GPR160: variants seen among roughly 807,000 people sequenced by gnomAD.
GPR160 encodes the protein probable G protein-coupled receptor 160.
A neutral mutation model predicts 2.6 loss-of-function variants in GPR160; 2 were observed. That is an observed-to-expected ratio of 0.77 (90% CI 0.32 to 2.44). The LOEUF is 2.44. GPR160 is among the 30% of genes most tolerant of loss of function. GPR160 has a pLI of 0.11. For missense variants in GPR160, 351 were observed against 383.6 expected, an observed-to-expected ratio of 0.91 and a Z score of 0.71; for synonymous variants, 130 against 132.2, an observed-to-expected ratio of 0.98 and a Z score of 0.12.
intron 2 of GPR160, among the ~76,000 whole-genome samples, chr3:170,045,408 CAAAAAAAAAAAAAAAAAAAAAAAAAAA>C (rs368019452): frequency 0.061 from 2,042 of 33,746 alleles, 104 homozygotes; most frequent in African/African-American, 0.19. Flanking sequence ...ACTAAAAATA[CAAAAAAAAAAAAAAAAAAAAAAAAAAA>C]AAAAAAAAAA....
rs143642454 is a variant in GPR160 at position 170,061,874 on chromosome 3, C to T, written c.-192-17900C>T. The stretch of plus-strand genomic sequence containing the variant: ...CTTATTTTTAAATTTCAAGGCCATG[C>T]GCAGTGGCTCCTGCCTGGAATCCCA... On this transcript the variant is annotated intron_variant, in intron 2 of 3. Transcript: ENST00000355897. 5.2e-3 allele frequency among the ~76,000 whole-genome samples: 795 copies of T among 152,142 alleles called. 10 individuals carry two copies. The highest frequency in any genetic ancestry group is 0.018 in the African/African-American group (734 of 41,490).
intron 3 of GPR160, among the ~76,000 whole-genome samples, chr3:170,082,784 G>A (rs1378509291): frequency 6.6e-6 from 1 of 150,436 alleles, no homozygotes; most frequent in Non-Finnish European, 1.5e-5. Context: ...TTTTGGTAGA[G>A]GCAGCTCCCT....
At chr3:170,053,201 C>T (rs779579764) in intron 2 of GPR160, among the ~76,000 whole-genome samples, 33 of 152,124 alleles carry the variant, frequency 2.2e-4, no homozygotes, top group Non-Finnish European at 4.6e-4. Context: ...TTGATCAGAA[C>T]TACATTGAAT....
intron 3 of GPR160, among the ~76,000 whole-genome samples, chr3:170,081,482 A>C (rs566120286): frequency 3.9e-5 from 6 of 152,294 alleles, no homozygotes; most frequent in Admixed American, 2.6e-4. Flanking sequence ...GTATAAGTAG[A>C]TTATTTGTAT....
chr3:170,066,695 CAA>C (rs927033767), intron 2 of GPR160, among the ~76,000 whole-genome samples: 3 of 152,104 alleles, frequency 2.0e-5, no homozygotes, highest in Non-Finnish European at 4.4e-5. Flanking sequence ...TTATTTTAAA[CAA>C]TGCCTCCATG....
In GPR160 at chr3:170,084,316, C is replaced by A; in HGVS notation, c.344C>A (p.Thr115Lys). The change falls in exon 4 of 4, where the codon ACA becomes AAA. Residue 115 changes from threonine to lysine, a missense_variant. Coordinates refer to ENST00000355897, the MANE Select transcript of GPR160 (RefSeq NM_014373.3). ...TTTTTGCATTATCCAGTTTTCCTGA[C>A]AGCTTGTATAGATTATTGCCTGAAT... Reference protein sequence around the residue: ...YGFLHYPVFLTACIDYCLNFS... With the variant: ...YGFLHYPVFLKACIDYCLNFS... 1 of 1,607,796 alleles carries A rather than the reference C, an allele frequency of 6.2e-7. No homozygotes were observed.
chr3:170,057,033 T>C (rs6444891), intron 2 of GPR160, among the ~76,000 whole-genome samples: 133,373 of 152,238 alleles, frequency 0.88, 58,706 homozygotes, highest in East Asian at 0.97. Flanking sequence ...GTAAAGAGGG[T>C]CTTACAAAAT....
intron 2 of GPR160, chr3:170,077,725 G>A (rs1712930026): frequency 1.3e-5 from 2 of 152,290 alleles, no homozygotes; most frequent in South Asian, 2.1e-4. Context: ...ATAAAAGCAA[G>A]CAGCTCCAGC....
intron 2 of GPR160, among the ~76,000 whole-genome samples, chr3:170,050,240 CTT>C (rs958716794): frequency 1.4e-5 from 2 of 138,224 alleles, no homozygotes; most frequent in Non-Finnish European, 1.6e-5. Context: ...ACTTCTTCTT[CTT>C]TTTTTTTTTG....
chr3:170,053,467 C>T (rs1451630487), intron 2 of GPR160, among the ~76,000 whole-genome samples: 1 of 152,140 alleles, frequency 6.6e-6, no homozygotes, highest in African/African-American at 2.4e-5. Flanking sequence ...GTGATCTTAA[C>T]TAAATTCATT....
intron 2 of GPR160, chr3:170,063,090 A>C (rs960376543): frequency 6.3e-6 from 1 of 159,686 alleles, no homozygotes; most frequent in African/African-American, 2.4e-5. Flanking sequence ...GAACGAATGA[A>C]TGAATGAATG....
intron 2 of GPR160, among the ~76,000 whole-genome samples, chr3:170,051,712 G>A (rs1228225842): frequency 2.0e-5 from 3 of 151,978 alleles, no homozygotes; most frequent in South Asian, 2.1e-4. Context: ...GAGAGAGAAC[G>A]AAACTCTGTC....
intron 2 of GPR160, among the ~76,000 whole-genome samples, chr3:170,042,644 A>C (rs1259612726): frequency 2.0e-5 from 3 of 149,014 alleles, no homozygotes; most frequent in African/African-American, 4.9e-5. Context: ...CCTGGGCAAC[A>C]TAGTGAGGCC....
At chr3:170,082,319 TGAAG>T (rs1238213609) in intron 3 of GPR160, among the ~76,000 whole-genome samples, 1 of 152,210 alleles carries the variant, frequency 6.6e-6, no homozygotes, top group South Asian at 2.1e-4. Context: ...ATTTAACAAA[TGAAG>T]GTAGAGTGAA....
intron 2 of GPR160, among the ~76,000 whole-genome samples, chr3:170,040,886 A>C (rs754638493): frequency 5.3e-5 from 8 of 152,226 alleles, no homozygotes; most frequent in Non-Finnish European, 1.0e-4. Flanking sequence ...TTAGCAAAGC[A>C]CTGACTCCTA....
chr3:170,048,750 C>T (rs911264930), intron 2 of GPR160, among the ~76,000 whole-genome samples: 1 of 152,182 alleles, frequency 6.6e-6, no homozygotes, highest in African/African-American at 2.4e-5. Context: ...CTATTCTCAC[C>T]AACCAGTTGC....
At chr3:170,081,506 A>G (rs1713127016) in intron 3 of GPR160, among the ~76,000 whole-genome samples, 1 of 152,194 alleles carries the variant, frequency 6.6e-6, no homozygotes, top group Non-Finnish European at 1.5e-5. Flanking sequence ...TTAATAAGTT[A>G]TCTTATGACA....
At chr3:170,072,759 T>A (rs1418992296) in intron 2 of GPR160, among the ~76,000 whole-genome samples, 3 of 152,200 alleles carry the variant, frequency 2.0e-5, no homozygotes, top group African/African-American at 7.2e-5. Context: ...AAGTCATTCA[T>A]GAGGGATCCA....
intron 2 of GPR160, among the ~76,000 whole-genome samples, chr3:170,067,761 A>C (rs1712417108): frequency 6.6e-6 from 1 of 152,218 alleles, no homozygotes; most frequent in Non-Finnish European, 1.5e-5. Flanking sequence ...CCTTTAAAAA[A>C]AAAAGTTATC....
Sources: gnomAD v4.1 joint callset for allele counts (sites outside exome capture counted in the v4.1 genomes callset) on GRCh38, gnomAD v4.1.1 for gene constraint, MANE v1.5 for transcripts, NCBI Gene and HGNC (gene_info 2026-07-23, HGNC 2026-07-21) for gene names.